The following TRIP12 variants were observed in gnomAD, a reference collection of about 807,000 sequenced individuals.
TRIP12 encodes the protein E3 ubiquitin-protein ligase TRIP12.
TRIP12 carries 25 observed loss-of-function variants against 244.2 expected under a neutral mutation model. The ratio of observed to expected loss-of-function variants is 0.10; its 90% CI spans 0.07 to 0.14. The LOEUF (loss-of-function observed/expected upper bound fraction) is 0.14, where lower values mean the gene tolerates loss of function less well. TRIP12 is among the 10% of genes least tolerant of loss of function. The pLI, the probability that TRIP12 is intolerant of heterozygous loss-of-function variation, is 1.00. For synonymous variants in TRIP12, 905 were observed against 873.1 expected (o/e 1.04, Z -0.64); for missense variants, 1,677 against 2,486.4 (o/e 0.67, Z 6.92).
intron 25 of TRIP12, among the ~76,000 whole-genome samples, chr2:229,795,582 G>A (rs904387364): frequency 6.6e-6 from 1 of 152,094 alleles, no homozygotes; most frequent in African/African-American, 2.4e-5. Flanking sequence ...GTCACTTGGT[G>A]GCAAAATCTG....
upstream of TRIP12, chr2:229,923,054 G>A (rs557933330): frequency 6.3e-6 from 1 of 159,788 alleles, no homozygotes; most frequent in East Asian, 1.9e-4. Context: ...TAATCATGGA[G>A]AATTTTATAA....
intron 4 of TRIP12, among the ~76,000 whole-genome samples, chr2:229,858,512 G>A (rs1018385210): frequency 1.3e-5 from 2 of 152,190 alleles, no homozygotes; most frequent in East Asian, 1.9e-4. Flanking sequence ...AGGAGATGCC[G>A]CGAGGACCAA....
chr2:229,813,241 T>C (rs1559579172), intron 13 of TRIP12, among the ~76,000 whole-genome samples: 1 of 152,206 alleles, frequency 6.6e-6, no homozygotes, highest in South Asian at 2.1e-4. Flanking sequence ...GAAAGAGTAA[T>C]CTTTTCAGAA....
intron 1 of TRIP12, among the ~76,000 whole-genome samples, chr2:229,902,367 G>A (rs886240898): frequency 1.3e-5 from 2 of 151,866 alleles, no homozygotes; most frequent in African/African-American, 2.4e-5. Context: ...GCAATGCAGC[G>A]AGACTTCGTC....
intron 1 of TRIP12, chr2:229,921,381 G>A (rs990612875): frequency 6.6e-6 from 1 of 152,578 alleles, no homozygotes; most frequent in Non-Finnish European, 1.5e-5. Flanking sequence ...CGGCCCCGGA[G>A]CCTCCCCTTT....
At chr2:229,910,386 A>C (rs1410412858) in intron 1 of TRIP12, among the ~76,000 whole-genome samples, 1 of 152,254 alleles carries the variant, frequency 6.6e-6, no homozygotes, top group Non-Finnish European at 1.5e-5. Flanking sequence ...GCTGAATATC[A>C]GTAAACACAT....
intron 4 of TRIP12, among the ~76,000 whole-genome samples, chr2:229,851,780 C>T (rs771604761): frequency 1.3e-5 from 2 of 151,998 alleles, no homozygotes; most frequent in Non-Finnish European, 2.9e-5. Flanking sequence ...CCTGAGCCAG[C>T]GAGACCATGA....
chr2:229,871,193 AGAGGG>A (rs148531139), intron 2 of TRIP12, among the ~76,000 whole-genome samples: 18 of 107,596 alleles, frequency 1.7e-4, no homozygotes, highest in Admixed American at 6.9e-4. Context: ...AGAGGGGAGG[AGAGGG>A]GAGGGGAGGG....
chr2:229,888,668 G>A (rs910218999), intron 1 of TRIP12, among the ~76,000 whole-genome samples: 1 of 152,146 alleles, frequency 6.6e-6, no homozygotes, highest in East Asian at 1.9e-4. Flanking sequence ...GCGAGGGCGT[G>A]GTAGCGCGCC....
chr2:229,879,847 T>C, intron 2 of TRIP12, 135 bp downstream of exon 2: 2 of 960,416 alleles, frequency 2.1e-6, no homozygotes, highest in Non-Finnish European at 3.1e-6. Flanking sequence ...AGTTTGCTTT[T>C]AAGTACCTGG....
At chr2:229,780,724 G>A (rs2037867482) in intron 34 of TRIP12, among the ~76,000 whole-genome samples, 3 of 152,106 alleles carry the variant, frequency 2.0e-5, no homozygotes, top group Non-Finnish European at 4.4e-5. Flanking sequence ...ACTGCCCTAC[G>A]CATCCCCATA....
At chr2:229,810,739 A>C in intron 15 of TRIP12, 141 bp downstream of exon 15, 1 of 792,426 alleles carries the variant, frequency 1.3e-6, no homozygotes, top group East Asian at 2.7e-5. Flanking sequence ...ACACAAATTT[A>C]TTACATATTA....
intron 38 of TRIP12, among the ~76,000 whole-genome samples, chr2:229,772,889 G>T (rs2034940672): frequency 6.6e-6 from 1 of 152,066 alleles, no homozygotes; most frequent in Non-Finnish European, 1.5e-5. Context: ...AGTTCAAGGG[G>T]TAGATAGCCA....
intron 6 of TRIP12, among the ~76,000 whole-genome samples, chr2:229,836,399 A>G (rs2054827544): frequency 6.6e-6 from 1 of 152,348 alleles, no homozygotes; most frequent in South Asian, 2.1e-4. Flanking sequence ...TGCTTCTAAT[A>G]TATCAAGAAT....
At chr2:229,921,565 C>T (rs1412375824) in intron 1 of TRIP12, 1 of 152,124 alleles carries the variant, frequency 6.6e-6, no homozygotes, top group Non-Finnish European at 1.5e-5. Flanking sequence ...AAGCCTTACC[C>T]CGGTTCTGTG....
Position 229,872,104 on chromosome 2 carries a change from T to TAAAAAAA in TRIP12, c.98+7871_98+7877dup, listed in dbSNP as rs34496202. On this transcript the variant is annotated intron_variant, in intron 2 of 41. Coordinates refer to ENST00000675903, the MANE Select transcript of TRIP12 (RefSeq NM_001348323.3). ...AATATAGTTTTAATGACAGATATTG[T>TAAAAAAA]AAAAAAAAAAAAAAAAAAAAAAAAA... Among the ~76,000 whole-genome samples, 21 of 105,242 alleles carry TAAAAAAA rather than the reference T, an allele frequency of 2.0e-4. 1 individual carries two copies. Among genetic ancestry groups the TAAAAAAA allele is most frequent in the Middle Eastern group, 6.7e-3 (1 of 150 alleles). The allele number at this position is 105,242 out of a possible 152,430, so 69.0% of individuals were successfully genotyped here.
chr2:229,904,562 T>C (rs1249953538), intron 1 of TRIP12, among the ~76,000 whole-genome samples: 2 of 151,320 alleles, frequency 1.3e-5, no homozygotes, highest in Non-Finnish European at 2.9e-5. Flanking sequence ...GGAAAAGCAA[T>C]ATGATCTGCT....
intron 8 of TRIP12, 137 bp downstream of exon 8, chr2:229,829,056 G>T: frequency 1.6e-6 from 1 of 639,622 alleles, no homozygotes; most frequent in Non-Finnish European, 2.6e-6. Context: ...TTTAAGGTGT[G>T]ATTGTACACA....
intron 2 of TRIP12, among the ~76,000 whole-genome samples, chr2:229,876,710 A>G (rs1490949737): frequency 6.6e-6 from 1 of 152,168 alleles, no homozygotes; most frequent in African/African-American, 2.4e-5. Context: ...CCCAGGCTGG[A>G]ATGCACTGGC....
Sources: gnomAD v4.1 joint callset for allele counts (sites outside exome capture counted in the v4.1 genomes callset) on GRCh38, gnomAD v4.1.1 for gene constraint, MANE v1.5 for transcripts, NCBI Gene and HGNC (gene_info 2026-07-23, HGNC 2026-07-21) for gene names.